ELL: variants seen among roughly 807,000 people sequenced by gnomAD.
The protein encoded by ELL is elongation factor for RNA polymerase II, also known as RNA polymerase II elongation factor ELL.
In ELL, 18 loss-of-function variants were observed where a neutral mutation model predicts 64.0. The ratio of observed to expected loss-of-function variants is 0.28; its 90% CI spans 0.19 to 0.42. ELL has a LOEUF of 0.42. Ranked by LOEUF, ELL falls within the 10% of genes least tolerant of loss-of-function variation. The pLI is 1.00. For missense variants in ELL, 797 were observed against 870.4 expected, an observed-to-expected ratio of 0.92 and a Z score of 1.06; for synonymous variants, 399 against 376.2, an observed-to-expected ratio of 1.06 and a Z score of -0.70.
At chr19:18,479,159 G>C (rs768989301) in intron 1 of ELL, among the ~76,000 whole-genome samples, 1 of 152,158 alleles carries the variant, frequency 6.6e-6, no homozygotes. Context: ...GCCATTTCTG[G>C]TCCTCACCAC....
chr19:18,508,870 C>T (rs767603697), intron 1 of ELL, among the ~76,000 whole-genome samples: 1 of 152,200 alleles, frequency 6.6e-6, no homozygotes, highest in African/African-American at 2.4e-5. Context: ...TTTACCAACA[C>T]GCTATAGTCT....
intron 6 of ELL, among the ~76,000 whole-genome samples, 167 bp downstream of exon 6, chr19:18,458,038 C>T (rs1568379255): frequency 6.6e-6 from 1 of 152,198 alleles, no homozygotes; most frequent in Admixed American, 6.5e-5. Flanking sequence ...TGGGGCACCA[C>T]GTGGGCAGTA....
chr19:18,456,189 G>A (rs1974671071), intron 6 of ELL, among the ~76,000 whole-genome samples: 1 of 152,156 alleles, frequency 6.6e-6, no homozygotes, highest in Admixed American at 6.6e-5. Context: ...AGTAGGATAG[G>A]CCTTTCCACT....
chr19:18,520,984 C>T (rs113843392), intron 1 of ELL, among the ~76,000 whole-genome samples: 1,607 of 151,614 alleles, frequency 0.011, 31 homozygotes, highest in African/African-American at 0.036. Context: ...GCCCCAGATG[C>T]GCCCCAAAGT....
chr19:18,449,537 C>CGGG lies in ELL; in HGVS notation c.1465+937_1465+939dup, dbSNP rs774342850. Among the ~76,000 whole-genome samples the CGGG allele has an allele frequency of 6.6e-6, 1 of 152,160 alleles. No individual in the cohort carries two copies. Among genetic ancestry groups the CGGG allele is most frequent in the South Asian group, 2.1e-4 (1 of 4,834 alleles). ...CCTGCTCTCCAGCCACAGCAGGGGA[C>CGGG]GGGGCATGGCCCTCTGAGCAACGCA... On this transcript the variant is annotated intron_variant, in intron 8 of 11. Transcript: ENST00000262809. The surrounding 1 kb of genome is among the most constrained non-coding windows in gnomAD (Gnocchi z 4.4).
chr19:18,489,698 G>T (rs994008983), intron 1 of ELL, among the ~76,000 whole-genome samples: 1 of 152,144 alleles, frequency 6.6e-6, no homozygotes, highest in African/African-American at 2.4e-5. Flanking sequence ...TGTGCCTACT[G>T]CAGTCTAGAT....
intron 1 of ELL, among the ~76,000 whole-genome samples, chr19:18,480,593 C>A (rs1975279102): frequency 6.6e-6 from 1 of 152,204 alleles, no homozygotes; most frequent in Non-Finnish European, 1.5e-5. Context: ...CAACTGGCTA[C>A]AAGCCAAGTG....
intron 1 of ELL, among the ~76,000 whole-genome samples, chr19:18,520,788 T>G (rs1264195861): frequency 7.5e-6 from 1 of 132,760 alleles, no homozygotes; most frequent in Admixed American, 9.1e-5. Flanking sequence ...AGCCCGAGAC[T>G]AGACCCACCC....
chr19:18,517,724 A>G (rs1448514773), intron 1 of ELL, among the ~76,000 whole-genome samples: 1 of 151,756 alleles, frequency 6.6e-6, no homozygotes, highest in Admixed American at 6.6e-5. Context: ...TAATTAAAAG[A>G]AAAAGAAAAA....
At chr19:18,446,592 T>C in intron 9 of ELL, 112 bp from the exon 10 acceptor site, 1 of 1,498,904 alleles carries the variant, frequency 6.7e-7, no homozygotes, top group Middle Eastern at 1.7e-4. Context: ...ATTCCCTGGA[T>C]TATGAGGGGG....
chr19:18,502,586 A>T (rs1231632417), intron 1 of ELL, among the ~76,000 whole-genome samples: 1 of 152,244 alleles, frequency 6.6e-6, no homozygotes, highest in Non-Finnish European at 1.5e-5. Flanking sequence ...AGTAATCCAC[A>T]CATGGGACTT....
At chr19:18,461,478 G>A in intron 5 of ELL, 100 bp downstream of exon 5, 1 of 1,508,298 alleles carries the variant, frequency 6.6e-7, no homozygotes. Context: ...GCTCTTCCTT[G>A]CCAGTCCCAA....
intron 1 of ELL, among the ~76,000 whole-genome samples, chr19:18,490,082 G>A (rs1370875695): frequency 2.6e-5 from 4 of 152,348 alleles, no homozygotes; most frequent in Non-Finnish European, 5.9e-5. Context: ...GCGTCTGAGA[G>A]CAGAGAACCC....
intron 10 of ELL, among the ~76,000 whole-genome samples, chr19:18,445,583 A>G: frequency 6.7e-6 from 1 of 150,274 alleles, no homozygotes; most frequent in African/African-American, 2.4e-5. Flanking sequence ...GAGGGAGGGA[A>G]GGGGAAGGAG....
chr19:18,514,556 CAT>C (rs568708529), intron 1 of ELL, among the ~76,000 whole-genome samples: 18 of 149,218 alleles, frequency 1.2e-4, no homozygotes, highest in African/African-American at 3.5e-4. Context: ...AAAATAACCA[CAT>C]GTCATGGCCA....
In ELL at chr19:18,476,130, G is replaced by C. The variant is rs60593953; in HGVS notation, c.136-3248C>G. Among the ~76,000 whole-genome samples, 1,226 of 152,324 alleles carry C rather than the reference G, an allele frequency of 8.0e-3. 16 individuals are homozygous for C. Among genetic ancestry groups the C allele is most frequent in the African/African-American group, 0.028 (1,146 of 41,568 alleles). Reference sequence around the variant, plus strand: ...CCCCAGGAGCACACGACCAAGGCCAGGTGGGAAGGGTATTCTGGAGGAGGG... The same window carrying C: ...CCCCAGGAGCACACGACCAAGGCCACGTGGGAAGGGTATTCTGGAGGAGGG... On this transcript the variant is annotated intron_variant, in intron 1 of 11. Transcript: ENST00000262809.
At chr19:18,475,756 C>T (rs533557913) in intron 1 of ELL, 2 of 152,282 alleles carry the variant, frequency 1.3e-5, no homozygotes, top group East Asian at 3.9e-4. Flanking sequence ...GTGTCCAGGG[C>T]TGGAGGTGGG....
rs1238810193 is a variant in ELL at position 18,479,729 on chromosome 19, A to AAAAG, written c.136-6848_136-6847insCTTT. Among the ~76,000 whole-genome samples the AAAAG allele has an allele frequency of 3.8e-4, 57 of 151,244 alleles. No individual in the cohort carries two copies. The East Asian group carries it at 4.7e-3, about 12-fold the overall frequency. ...ATCTCAAAAAAAAAAAAAAAAAAAA[A>AAAAG]TCTAGGATTGTTTTAAAAACTCTCC... On this transcript the variant is annotated intron_variant, in intron 1 of 11. Transcript: ENST00000262809.
intron 1 of ELL, among the ~76,000 whole-genome samples, chr19:18,499,754 G>A (rs1239159833): frequency 1.3e-5 from 2 of 152,166 alleles, no homozygotes; most frequent in Non-Finnish European, 2.9e-5. Flanking sequence ...AGGGGCACAG[G>A]GGACAAGGGC....
Sources: gnomAD v4.1 joint callset for allele counts (sites outside exome capture counted in the v4.1 genomes callset) on GRCh38, gnomAD v4.1.1 for gene constraint, Gnocchi (gnomAD v3.1) non-coding constraint, MANE v1.5 for transcripts, NCBI Gene and HGNC (gene_info 2026-07-23, HGNC 2026-07-21) for gene names.